MACROD2: variants seen among roughly 807,000 people sequenced by gnomAD.
MACROD2 encodes the protein ADP-ribose glycohydrolase MACROD2.
MACROD2 carries 36 observed loss-of-function variants against 70.4 expected under a neutral mutation model. The ratio of observed to expected loss-of-function variants is 0.51; its 90% CI spans 0.39 to 0.68. The LOEUF is 0.68. MACROD2 is among the 30% of genes least tolerant of loss of function. The pLI, the probability that MACROD2 is intolerant of heterozygous loss-of-function variation, is 0.00. For missense variants in MACROD2, 496 were observed against 538.4 expected (o/e 0.92, Z 0.78); for synonymous variants, 172 against 178.8 (o/e 0.96, Z 0.30).
intron 8 of MACROD2, among the ~76,000 whole-genome samples, chr20:15,643,265 A>T (rs1302923485): frequency 6.6e-6 from 1 of 152,118 alleles, no homozygotes; most frequent in Non-Finnish European, 1.5e-5. Flanking sequence ...GCTTATTTGG[A>T]TACCATACTA....
rs142469400 is a variant in MACROD2 at position 14,638,688 on chromosome 20, C to T, written c.302-46155C>T. 6.7e-3 allele frequency among the ~76,000 whole-genome samples: 1,013 copies of T among 152,282 alleles called. 10 individuals carry two copies. Among genetic ancestry groups the T allele is most frequent in the African/African-American group, 0.022 (914 of 41,556 alleles). ...GAGTGAGGCTGGGTGTGGTGGCTCA[C>T]ACCTGTAATCCCAACACTTTGTGAG... On this transcript the variant is annotated intron_variant, in intron 4 of 17. Coordinates refer to ENST00000684519, the MANE Select transcript of MACROD2 (RefSeq NM_001351661.2).
At chr20:15,325,312 T>G (rs372948551) in intron 6 of MACROD2, among the ~76,000 whole-genome samples, 39 of 152,272 alleles carry the variant, frequency 2.6e-4, no homozygotes, top group African/African-American at 9.4e-4. Flanking sequence ...GATTTTTAGT[T>G]AAGAATATTT....
chr20:15,479,562 C>T (rs544363501), intron 7 of MACROD2, among the ~76,000 whole-genome samples: 4 of 152,164 alleles, frequency 2.6e-5, no homozygotes, highest in Non-Finnish European at 5.9e-5. Flanking sequence ...CGTGAGCCAC[C>T]GCGCCCGGCC....
intron 5 of MACROD2, among the ~76,000 whole-genome samples, chr20:14,866,729 A>G (rs948881400): frequency 6.6e-6 from 1 of 152,104 alleles, no homozygotes; most frequent in Non-Finnish European, 1.5e-5. Flanking sequence ...TTTGCTTTTC[A>G]ATGATATACA....
chr20:15,101,969 GT>G (rs1442014869), intron 5 of MACROD2, among the ~76,000 whole-genome samples: 2 of 151,894 alleles, frequency 1.3e-5, no homozygotes, highest in African/African-American at 4.8e-5. Context: ...AGTATTAAGA[GT>G]CCTAGTAAAA....
At chr20:14,746,579 C>T (rs2071802700) in intron 5 of MACROD2, among the ~76,000 whole-genome samples, 1 of 152,102 alleles carries the variant, frequency 6.6e-6, no homozygotes, top group South Asian at 2.1e-4. Flanking sequence ...ATATCACCCA[C>T]GCATTTCATT....
intron 6 of MACROD2, among the ~76,000 whole-genome samples, chr20:15,349,904 C>A (rs573023867): frequency 3.9e-5 from 6 of 152,064 alleles, no homozygotes; most frequent in Admixed American, 6.6e-5. Flanking sequence ...TTGGCTGGAG[C>A]GAGATGTTAT....
intron 3 of MACROD2, among the ~76,000 whole-genome samples, chr20:14,266,358 C>G (rs2082144165): frequency 6.6e-6 from 1 of 152,062 alleles, no homozygotes; most frequent in African/African-American, 2.4e-5. Flanking sequence ...TGAAAAATCC[C>G]TACTCTAAGC....
At chr20:15,325,864 A>G (rs1469712332) in intron 6 of MACROD2, among the ~76,000 whole-genome samples, 1 of 152,058 alleles carries the variant, frequency 6.6e-6, no homozygotes, top group African/African-American at 2.4e-5. Context: ...ATATTAGTAA[A>G]CTTTTTCCCA....
chr20:14,113,384 C>G (rs1422203227), intron 3 of MACROD2, among the ~76,000 whole-genome samples: 2 of 151,996 alleles, frequency 1.3e-5, no homozygotes, highest in African/African-American at 4.8e-5. Flanking sequence ...AATTAAACTT[C>G]AGGGTAGGTG....
chr20:14,733,402 T>C (rs2071620929), intron 5 of MACROD2, among the ~76,000 whole-genome samples: 1 of 152,158 alleles, frequency 6.6e-6, no homozygotes, highest in Admixed American at 6.5e-5. Flanking sequence ...TTTTCCTGCA[T>C]AGGTTTTTAA....
intron 8 of MACROD2, among the ~76,000 whole-genome samples, chr20:15,597,260 T>C (rs2048758520): frequency 6.6e-6 from 1 of 152,132 alleles, no homozygotes; most frequent in East Asian, 1.9e-4. Context: ...AAACTTTCCT[T>C]GAAGTTAGGG....
intron 4 of MACROD2, among the ~76,000 whole-genome samples, chr20:14,675,571 GA>G (rs1374463754): frequency 2.0e-5 from 3 of 152,008 alleles, no homozygotes; most frequent in African/African-American, 7.2e-5. Flanking sequence ...ATATGGAAAG[GA>G]AAAATCGGTA....
chr20:14,514,095 A>G (rs1434703032), intron 4 of MACROD2, among the ~76,000 whole-genome samples: 1 of 152,062 alleles, frequency 6.6e-6, no homozygotes, highest in Non-Finnish European at 1.5e-5. Flanking sequence ...CTCTTCTGTC[A>G]CTTTCTGAAC....
Position 14,263,541 on chromosome 20 carries a change from GCCT to G in MACROD2, c.271+177816_271+177818del, listed in dbSNP as rs377660772. Among the ~76,000 whole-genome samples the G allele has an allele frequency of 5.9e-5, 9 of 152,226 alleles. No homozygotes were observed. The East Asian group carries it at 1.2e-3, about 20-fold the overall frequency. On this transcript the variant is annotated intron_variant, in intron 3 of 17. Transcript: ENST00000684519. The stretch of plus-strand genomic sequence containing the variant: ...GTGCCCCCCAGACATCCAGCATGAA[GCCT>G]CCAGGGTCAAGCTTTGTGCCATCTT...
intron 2 of MACROD2, among the ~76,000 whole-genome samples, chr20:14,051,566 G>T (rs1187557011): frequency 6.6e-6 from 1 of 152,082 alleles, no homozygotes; most frequent in East Asian, 1.9e-4. Flanking sequence ...TGATATAGAT[G>T]GGGAGAATCA....
intron 5 of MACROD2, among the ~76,000 whole-genome samples, chr20:14,951,138 T>C (rs2074472339): frequency 6.6e-6 from 1 of 152,072 alleles, no homozygotes; most frequent in Admixed American, 6.6e-5. Flanking sequence ...AGAGCCATGG[T>C]TTACTGCAGT....
chr20:15,089,246 A>C (rs929408991), intron 5 of MACROD2, among the ~76,000 whole-genome samples: 1 of 152,174 alleles, frequency 6.6e-6, no homozygotes, highest in African/African-American at 2.4e-5. Flanking sequence ...ATTCAGCTGT[A>C]TTATCTCTTA....
intron 15 of MACROD2, among the ~76,000 whole-genome samples, chr20:16,024,972 G>A (rs144428409): frequency 2.2e-3 from 328 of 152,170 alleles, no homozygotes; most frequent in Middle Eastern, 0.01. Context: ...TTTTAGAAAA[G>A]CATTGTGCCC....
Sources: gnomAD v4.1 joint callset for allele counts (sites outside exome capture counted in the v4.1 genomes callset) on GRCh38, gnomAD v4.1.1 for gene constraint, MANE v1.5 for transcripts, NCBI Gene and HGNC (gene_info 2026-07-23, HGNC 2026-07-21) for gene names.